CEP85L: variants seen among roughly 807,000 people sequenced by gnomAD.
CEP85L encodes centrosomal protein 85L, also known as centrosomal protein of 85 kDa-like.
In CEP85L, 60 loss-of-function variants were observed where a neutral mutation model predicts 100.3. The ratio of observed to expected loss-of-function variants is 0.60; its 90% CI spans 0.49 to 0.74. The LOEUF is 0.74. CEP85L is among the 30% of genes least tolerant of loss of function. The probability of loss-of-function intolerance (pLI) is 0.00; values close to 1 mark genes in which losing one functional copy is unlikely to be tolerated. For missense variants in CEP85L, 973 were observed against 936.2 expected (o/e 1.04, Z -0.51); for synonymous variants, 319 against 322.7 (o/e 0.99, Z 0.12).
chr6:118,603,720 T>C (rs1771974815), intron 2 of CEP85L, among the ~76,000 whole-genome samples: 1 of 152,250 alleles, frequency 6.6e-6, no homozygotes, highest in South Asian at 2.1e-4. Context: ...GTTATGAACA[T>C]TTTAGCTCTG....
In CEP85L at chr6:118,684,528, GA is replaced by G. The variant is rs936930224; in HGVS notation, c.-28+25507del. Among the ~76,000 whole-genome samples the G allele has an allele frequency of 3.3e-5, 5 of 151,842 alleles. 1 individual carries two copies. The highest frequency in any genetic ancestry group is 1.2e-4 in the African/African-American group (5 of 41,482). On this transcript the variant is annotated intron_variant, in intron 1 of 13. Transcript: ENST00000368488. ...TGTTTCTAAAAAAGAAAGAAAGAAA[GA>G]AAAAAAGGTTTACAGATATTTTGAC...
intron 2 of CEP85L, among the ~76,000 whole-genome samples, chr6:118,574,733 CA>C (rs1171813434): frequency 6.6e-6 from 1 of 151,860 alleles, no homozygotes; most frequent in Non-Finnish European, 1.5e-5. Context: ...TAGGAAAAGC[CA>C]GGGGGCAGCA....
At chr6:118,659,238 C>T (rs1488770281) in intron 1 of CEP85L, among the ~76,000 whole-genome samples, 2 of 152,076 alleles carry the variant, frequency 1.3e-5, no homozygotes, top group African/African-American at 2.4e-5. Flanking sequence ...TACTGATGAA[C>T]AAAGCATCTA....
chr6:118,597,704 A>T lies in CEP85L; in HGVS notation c.233-31388T>A, dbSNP rs997152857. Reference sequence around the variant, plus strand: ...AAAGGTGAGTATAAAACAATGCACAACAGGATCAAAGGGTTTCTGGAGACT... The same window carrying T: ...AAAGGTGAGTATAAAACAATGCACATCAGGATCAAAGGGTTTCTGGAGACT... On this transcript the variant is annotated intron_variant, in intron 2 of 12. Transcript: ENST00000368491. 7.9e-5 allele frequency among the ~76,000 whole-genome samples: 12 copies of T among 152,238 alleles called. 1 individual carries two copies. The highest frequency in any genetic ancestry group is 7.2e-4 in the Admixed American group (11 of 15,288).
intron 4 of CEP85L, among the ~76,000 whole-genome samples, chr6:118,515,177 C>G (rs1370594853): frequency 1.3e-5 from 2 of 152,032 alleles, no homozygotes; most frequent in Admixed American, 6.5e-5. Flanking sequence ...ATAAAAAGAT[C>G]AATTCATTAA....
chr6:118,563,504 T>C (rs1045439492), intron 3 of CEP85L, among the ~76,000 whole-genome samples: 1 of 152,180 alleles, frequency 6.6e-6, no homozygotes, highest in Non-Finnish European at 1.5e-5. Context: ...TCATGGTGAG[T>C]GTTTAGGAGT....
chr6:118,688,261 A>G (rs954784374), intron 1 of CEP85L, among the ~76,000 whole-genome samples: 8 of 152,192 alleles, frequency 5.3e-5, no homozygotes, highest in Non-Finnish European at 1.2e-4. Context: ...TCGGTCTCCC[A>G]AAGTGCTGGG....
At position 118,511,380 on chromosome 6, in the gene CEP85L, A is replaced by T. The variant is rs201065209; in HGVS notation, c.1175T>A (p.Ile392Lys). ...KQQITHLHER[I>K]RDNELRAQHA... ...TTGAGCCCGTAATTCATTATCCCTTATCCTCTCATGCAGGTGGGTAATTTG... is the reference window on the plus strand; with the variant it reads ...TTGAGCCCGTAATTCATTATCCCTTTTCCTCTCATGCAGGTGGGTAATTTG... The change falls in exon 5 of 13, where the codon ATA becomes AAA. Residue 392 changes from isoleucine to lysine, a missense_variant. Physicochemically the swap from Ile to Lys is moderately radical, Grantham distance 102. Coordinates refer to ENST00000368491, the MANE Select transcript of CEP85L (RefSeq NM_001042475.3). 6.2e-7 allele frequency: 1 copy of T among 1,612,858 alleles called. No individual in the cohort carries two copies. The highest frequency in any genetic ancestry group is 2.2e-5 in the East Asian group (1 of 44,816).
intron 5 of CEP85L, 142 bp downstream of exon 5, chr6:118,511,156 C>A: frequency 1.6e-6 from 1 of 610,010 alleles, no homozygotes; most frequent in Non-Finnish European, 2.9e-6. Flanking sequence ...TAGTTGGACA[C>A]TCTTTGCCAC....
At chr6:118,527,648 T>C (rs545205514) in intron 3 of CEP85L, among the ~76,000 whole-genome samples, 47 of 152,350 alleles carry the variant, frequency 3.1e-4, no homozygotes, top group African/African-American at 1.0e-3. Flanking sequence ...ACAGGAAATT[T>C]ATTAAAGCTA....
At chr6:118,566,384 T>A in intron 2 of CEP85L, 68 bp from the exon 3 acceptor site, 1 of 1,272,312 alleles carries the variant, frequency 7.9e-7, no homozygotes. Flanking sequence ...TAAAATGCAA[T>A]ATGCCAAAAG....
intron 2 of CEP85L, among the ~76,000 whole-genome samples, chr6:118,578,565 C>T (rs903160382): frequency 6.6e-6 from 1 of 152,110 alleles, no homozygotes; most frequent in East Asian, 1.9e-4. Flanking sequence ...CTTGTCTCTA[C>T]TAAAAATACA....
At chr6:118,588,899 C>T (rs796808274) in intron 2 of CEP85L, among the ~76,000 whole-genome samples, 29 of 152,216 alleles carry the variant, frequency 1.9e-4, no homozygotes, top group African/African-American at 6.0e-4. Context: ...AGGAAGTAGC[C>T]GGAAAGAGTC....
rs750279950 is a variant in CEP85L at position 118,479,889 on chromosome 6, T to C, written c.1896A>G (p.Arg632=). 3 of 1,505,156 alleles carry C rather than the reference T, an allele frequency of 2.0e-6. No individual in the cohort carries two copies. The highest frequency in any genetic ancestry group is 3.9e-5 in the Admixed American group (2 of 51,250). 93.2% of individuals were successfully genotyped at this position (1,505,156 alleles called of 1,614,324 possible). A position where few individuals can be genotyped will look rare whatever the true frequency, so the allele number is the denominator to read the frequency against. ...IIDSQQDEID[R]MILEIQSMQG... is the part of the protein sequence containing the mutation. ...TCCTTACCTGAATTTCTAAAATCAT[T>C]CTGTCAATCTCATCTTGTTGGCTGT... Residue 632 remains arginine, a synonymous_variant, in exon 10 of 13, where the codon AGA becomes AGG. Coordinates refer to ENST00000368491, the MANE Select transcript of CEP85L (RefSeq NM_001042475.3).
At chr6:118,675,345 C>A (rs1441424183) in intron 1 of CEP85L, among the ~76,000 whole-genome samples, 2 of 151,674 alleles carry the variant, frequency 1.3e-5, no homozygotes, top group Non-Finnish European at 2.9e-5. Flanking sequence ...AGGGAGGGGG[C>A]AATAGGGAGT....
Position 118,590,886 on chromosome 6 carries a change from C to T in CEP85L, c.233-24570G>A, listed in dbSNP as rs187954068. Among the ~76,000 whole-genome samples the T allele has an allele frequency of 1.6e-3, 237 of 152,238 alleles. 3 individuals carry two copies. The highest frequency in any genetic ancestry group is 4.3e-4 in the Non-Finnish European group (29 of 68,020). ...AAAAGCACTCCACATGTGTCCGTGT[C>T]GTTTTATTTAAACCGGCGAGACAAA... On this transcript the variant is annotated intron_variant, in intron 2 of 12. Transcript: ENST00000368491.
chr6:118,498,677 G>A (rs1249555498), intron 5 of CEP85L, among the ~76,000 whole-genome samples: 7 of 151,214 alleles, frequency 4.6e-5, no homozygotes, highest in African/African-American at 1.7e-4. Flanking sequence ...GAGGGAAGGA[G>A]GGAAACAGAA....
chr6:118,547,665 T>C (rs535092427), intron 3 of CEP85L, among the ~76,000 whole-genome samples: 1 of 152,126 alleles, frequency 6.6e-6, no homozygotes, highest in Non-Finnish European at 1.5e-5. Context: ...AAATATATTG[T>C]TAAACTGCTA....
At chr6:118,470,080 C>T (rs956488021) in intron 11 of CEP85L, among the ~76,000 whole-genome samples, 8 of 151,960 alleles carry the variant, frequency 5.3e-5, no homozygotes, top group African/African-American at 1.9e-4. Flanking sequence ...GAACCACAAA[C>T]TTCGGTGCGA....
Sources: gnomAD v4.1 joint callset for allele counts (sites outside exome capture counted in the v4.1 genomes callset) on GRCh38, gnomAD v4.1.1 for gene constraint, MANE v1.5 for transcripts, NCBI Gene and HGNC (gene_info 2026-07-23, HGNC 2026-07-21) for gene names.